Variants in SPOCK3 observed in about 807,000 individuals in gnomAD.
The protein encoded by SPOCK3 is SPARC (osteonectin), cwcv and kazal like domains proteoglycan 3, also known as testican-3.
In SPOCK3, 30 loss-of-function variants were observed where a neutral mutation model predicts 56.6. The ratio of observed to expected loss-of-function variants is 0.53; its 90% CI spans 0.40 to 0.72. SPOCK3 has a LOEUF of 0.72. SPOCK3 is among the 30% of genes least tolerant of loss of function. The pLI is 0.00. For missense variants in SPOCK3, 527 were observed against 530.0 expected (o/e 0.99, Z 0.06); for synonymous variants, 196 against 183.3 (o/e 1.07, Z -0.56).
At chr4:167,015,147 C>G (rs1750494676) in intron 3 of SPOCK3, among the ~76,000 whole-genome samples, 1 of 151,942 alleles carries the variant, frequency 6.6e-6, no homozygotes, top group Non-Finnish European at 1.5e-5. Flanking sequence ...AAATACTGCT[C>G]CCTATAGATA....
chr4:166,857,526 G>C (rs1213570557), intron 6 of SPOCK3, among the ~76,000 whole-genome samples: 2 of 152,118 alleles, frequency 1.3e-5, no homozygotes, highest in African/African-American at 2.4e-5. Flanking sequence ...GTGTGTCTTG[G>C]ACCCAAACTT....
chr4:167,062,502 G>C lies in SPOCK3; in HGVS notation c.225C>G (p.Pro75=), dbSNP rs780935936. 1.2e-6 allele frequency: 2 copies of C among 1,604,768 alleles called. No individual in the cohort carries two copies. Among genetic ancestry groups the C allele is most frequent in the South Asian group, 2.2e-5 (2 of 90,348 alleles). ...TAGTTAGATTCTTACCCTGATCGAA[G>C]GGTTTTCCTGGACTCCAAGTGCGGA... is the stretch of plus-strand genomic sequence containing the variant. ...DYFRTWSPGK[P]FDQALDPAKD... The change falls in exon 3 of 11, where the codon CCC becomes CCG. Residue 75 remains proline, a synonymous_variant. Transcript: ENST00000357545.
chr4:166,857,635 C>T (rs748649410), intron 6 of SPOCK3, among the ~76,000 whole-genome samples: 2 of 152,050 alleles, frequency 1.3e-5, no homozygotes, highest in African/African-American at 4.8e-5. Context: ...TTTAAATTTT[C>T]TATTATAAGT....
chr4:167,019,200 T>G (rs1750935342), intron 3 of SPOCK3, among the ~76,000 whole-genome samples: 1 of 152,088 alleles, frequency 6.6e-6, no homozygotes, highest in Non-Finnish European at 1.5e-5. Context: ...CTAAGTGGTC[T>G]TGCATTTTGA....
intron 4 of SPOCK3, among the ~76,000 whole-genome samples, chr4:166,989,727 T>C (rs1349474241): frequency 6.6e-6 from 1 of 152,090 alleles, no homozygotes; most frequent in Admixed American, 6.6e-5. Flanking sequence ...AATTCTTACG[T>C]TTTTTTGGTA....
chr4:166,751,492 G>A (rs529942412), intron 8 of SPOCK3, among the ~76,000 whole-genome samples: 2 of 152,170 alleles, frequency 1.3e-5, no homozygotes, highest in South Asian at 4.1e-4. Flanking sequence ...ACAAATATTT[G>A]AAGACAGAAA....
intron 7 of SPOCK3, among the ~76,000 whole-genome samples, chr4:166,784,257 A>G (rs1339682428): frequency 2.6e-5 from 4 of 152,168 alleles, no homozygotes; most frequent in Non-Finnish European, 5.9e-5. Context: ...TTCTCAGGAC[A>G]CGATAATGTA....
At chr4:167,180,462 T>G (rs759477462) in intron 2 of SPOCK3, among the ~76,000 whole-genome samples, 8 of 152,106 alleles carry the variant, frequency 5.3e-5, no homozygotes, top group Non-Finnish European at 1.2e-4. Flanking sequence ...GAGCTCAAGT[T>G]TCATTACCCG....
At chr4:166,910,319 A>G (rs1301741807) in intron 5 of SPOCK3, among the ~76,000 whole-genome samples, 1 of 152,138 alleles carries the variant, frequency 6.6e-6, no homozygotes, top group African/African-American at 2.4e-5. Context: ...ATTTGTTAAA[A>G]GTGACATTTA....
intron 7 of SPOCK3, among the ~76,000 whole-genome samples, chr4:166,790,879 A>G (rs1241592422): frequency 1.3e-5 from 2 of 152,210 alleles, no homozygotes; most frequent in African/African-American, 4.8e-5. Context: ...TAAAAAATCA[A>G]TATGTAAGGG....
At chr4:167,023,541 T>A (rs1751404055) in intron 3 of SPOCK3, among the ~76,000 whole-genome samples, 1 of 151,846 alleles carries the variant, frequency 6.6e-6, no homozygotes, top group Admixed American at 6.6e-5. Flanking sequence ...TGGATGCCAG[T>A]GTAGGAAGCT....
At chr4:167,208,377 G>A (rs111811131) in intron 2 of SPOCK3, among the ~76,000 whole-genome samples, 1 of 152,122 alleles carries the variant, frequency 6.6e-6, no homozygotes, top group Non-Finnish European at 1.5e-5. Context: ...AAATGTAGTT[G>A]GTTTATTTTA....
At chr4:167,013,447 A>G (rs1750290802) in intron 3 of SPOCK3, among the ~76,000 whole-genome samples, 1 of 151,542 alleles carries the variant, frequency 6.6e-6, no homozygotes, top group Admixed American at 6.6e-5. Context: ...GATTTCTTTT[A>G]TAAAATAGAT....
chr4:166,860,817 G>GTATATATATATATATA (rs1307737257), intron 6 of SPOCK3, among the ~76,000 whole-genome samples: 2 of 31,184 alleles, frequency 6.4e-5, no homozygotes, highest in African/African-American at 2.3e-4. Context: ...ATATATATAT[G>GTATATATATATATATA]TATATATATA....
At position 166,914,631 on chromosome 4, in the gene SPOCK3, A is replaced by T. The variant is rs543800517; in HGVS notation, c.351-1888T>A. ...ACTAAAAATACAAAATTAGCCAGGC[A>T]TGGTGGTGCATGCCCATAATCCCCG... On this transcript the variant is annotated intron_variant, in intron 4 of 10. Transcript: ENST00000357545. Among the ~76,000 whole-genome samples, 5 of 152,178 alleles carry T rather than the reference A, an allele frequency of 3.3e-5. No homozygotes were observed. In the South Asian group the frequency reaches 1.0e-3, roughly 32 times the overall value.
chr4:167,039,140 C>T (rs1453930175), intron 3 of SPOCK3, among the ~76,000 whole-genome samples: 1 of 152,106 alleles, frequency 6.6e-6, no homozygotes, highest in Non-Finnish European at 1.5e-5. Context: ...GTTGGTGTTC[C>T]TTGCTTCCCT....
chr4:167,143,364 CT>C (rs1335407121), intron 2 of SPOCK3, among the ~76,000 whole-genome samples: 1 of 151,908 alleles, frequency 6.6e-6, no homozygotes, highest in Non-Finnish European at 1.5e-5. Context: ...ATTTCACCTC[CT>C]GAATTTCTGA....
chr4:166,982,468 C>T (rs1323524228), intron 4 of SPOCK3, among the ~76,000 whole-genome samples: 1 of 152,122 alleles, frequency 6.6e-6, no homozygotes, highest in Non-Finnish European at 1.5e-5. Context: ...GGGAGAATGG[C>T]GTGAACTCGG....
At chr4:166,880,035 A>G (rs1318447973) in intron 6 of SPOCK3, among the ~76,000 whole-genome samples, 2 of 152,174 alleles carry the variant, frequency 1.3e-5, no homozygotes, top group Admixed American at 6.5e-5. Flanking sequence ...CAGAACCGTG[A>G]GCCAATTAAA....
Sources: allele counts gnomAD v4.1 joint callset (sites outside exome capture counted in the v4.1 genomes callset), GRCh38; gene constraint gnomAD v4.1.1; transcripts MANE v1.5; gene names NCBI Gene and HGNC (gene_info 2026-07-23, HGNC 2026-07-21).